Variants in SPTSSA observed in about 807,000 individuals in gnomAD.
The protein encoded by SPTSSA is serine palmitoyltransferase small subunit A.
A neutral mutation model predicts 9.1 loss-of-function variants in SPTSSA; 8 were observed. That is an observed-to-expected ratio of 0.88 (90% CI 0.51 to 1.58). The LOEUF is 1.58. Among genes scored for constraint, SPTSSA ranks in the 40% most tolerant of loss-of-function variants. The probability of loss-of-function intolerance (pLI) is 0.00; values close to 1 mark genes in which losing one functional copy is unlikely to be tolerated. For synonymous variants in SPTSSA, 42 were observed against 37.7 expected (o/e 1.11, Z -0.41); for missense variants, 100 against 93.8 (o/e 1.07, Z -0.27).
intron 1 of SPTSSA, among the ~76,000 whole-genome samples, chr14:34,459,665 C>G (rs1422291726): frequency 1.3e-5 from 2 of 151,148 alleles, no homozygotes; most frequent in African/African-American, 4.9e-5. Flanking sequence ...CCTGTAATCC[C>G]GGCTATTCTG....
At chr14:34,437,643 G>A (rs938195060) in intron 1 of SPTSSA, among the ~76,000 whole-genome samples, 1 of 152,068 alleles carries the variant, frequency 6.6e-6, no homozygotes, top group Non-Finnish European at 1.5e-5. Context: ...TGCAATCACT[G>A]GAGTCACTTT....
In SPTSSA at chr14:34,455,768, C is replaced by T. The variant is rs530491059; in HGVS notation, c.112+6328G>A. ...CCAACATGGTGAAACCCCGTCTCCA[C>T]TAAAAATACAAAAATTACCTGGGCA... On this transcript the variant is annotated intron_variant, in intron 1 of 1. Transcript: ENST00000298130. Among the ~76,000 whole-genome samples the T allele has an allele frequency of 4.8e-4, 73 of 151,662 alleles. 1 individual carries two copies. The highest frequency in any genetic ancestry group is 1.6e-3 in the African/African-American group (65 of 41,306).
chr14:34,435,361 C>G (rs1393437286), intron 1 of SPTSSA, 57 bp from the exon 2 acceptor site: 1 of 1,275,180 alleles, frequency 7.8e-7, no homozygotes, highest in East Asian at 2.5e-5. Flanking sequence ...TAAATCTCCA[C>G]ATGTCTTCAA....
intron 1 of SPTSSA, among the ~76,000 whole-genome samples, chr14:34,443,302 C>A (rs1435978690): frequency 9.6e-5 from 4 of 41,842 alleles, no homozygotes; most frequent in Middle Eastern, 0.017. Context: ...TAGCTCACTG[C>A]AACCTCTGCC....
intron 1 of SPTSSA, among the ~76,000 whole-genome samples, chr14:34,437,101 T>C (rs1883253059): frequency 6.6e-6 from 1 of 152,218 alleles, no homozygotes; most frequent in South Asian, 2.1e-4. Context: ...CTGTTTGAAT[T>C]GACACTGTTT....
chr14:34,452,464 C>T (rs1287113508), intron 1 of SPTSSA, among the ~76,000 whole-genome samples: 2 of 152,124 alleles, frequency 1.3e-5, no homozygotes, highest in East Asian at 3.8e-4. Flanking sequence ...AAGCAAAATC[C>T]ATTCTCTAAG....
chr14:34,435,143 T>C lies in SPTSSA; in HGVS notation c.*58A>G. ...TTTCTTATCACATCTGATGGTCTCA[T>C]TCCAACTTCGTAGGGTGGGTCTTCC... On this transcript the variant is annotated 3_prime_UTR_variant, in exon 2 of 2. Coordinates refer to ENST00000298130, the MANE Select transcript of SPTSSA (RefSeq NM_138288.4). The C allele has an allele frequency of 1.4e-6, 2 of 1,402,366 alleles. No individual in the cohort carries two copies. Among genetic ancestry groups the C allele is most frequent in the Non-Finnish European group, 2.0e-6 (2 of 999,004 alleles). 86.9% of individuals were successfully genotyped at this position (1,402,366 alleles called of 1,614,324 possible). A position where few individuals can be genotyped will look rare whatever the true frequency, so the allele number is the denominator to read the frequency against.
rs1036864883 is a variant in SPTSSA at position 34,434,500 on chromosome 14, T to C, written c.*701A>G. The C allele has an allele frequency of 2.0e-5, 3 of 152,640 alleles. No individual in the cohort carries two copies. Among genetic ancestry groups the C allele is most frequent in the Non-Finnish European group, 4.4e-5 (3 of 68,022 alleles). 9.5% of individuals were successfully genotyped at this position (152,640 alleles called of 1,614,324 possible). On this transcript the variant is annotated 3_prime_UTR_variant, in exon 2 of 2. Transcript: ENST00000298130. The stretch of plus-strand genomic sequence containing the variant: ...CTTAACCACCTTTTGTCTCAAGAAT[T>C]ATCACCAAAGTTTTCTGGAAATAAG...
chr14:34,438,191 G>A (rs17102535), intron 1 of SPTSSA, among the ~76,000 whole-genome samples: 9,842 of 152,064 alleles, frequency 0.065, 476 homozygotes, highest in African/African-American at 0.13. Flanking sequence ...AATTCCCATC[G>A]TTTTGTCTTG....
At chr14:34,445,197 G>T (rs1428708072) in intron 1 of SPTSSA, among the ~76,000 whole-genome samples, 1 of 151,622 alleles carries the variant, frequency 6.6e-6, no homozygotes, top group African/African-American at 2.4e-5. Flanking sequence ...TAATAAAAAG[G>T]TTTTTGCTTC....
chr14:34,461,133 G>A (rs923742929), intron 1 of SPTSSA, among the ~76,000 whole-genome samples: 2 of 152,168 alleles, frequency 1.3e-5, no homozygotes, highest in Admixed American at 1.3e-4. Context: ...AGAGAACGTG[G>A]ATAAACTAAA....
At chr14:34,445,165 T>C (rs1299815586) in intron 1 of SPTSSA, among the ~76,000 whole-genome samples, 5 of 152,118 alleles carry the variant, frequency 3.3e-5, no homozygotes, top group African/African-American at 1.2e-4. Context: ...AAAACTTTTT[T>C]TTTCTTTTTG....
chr14:34,433,332 C>T lies in SPTSSA; in HGVS notation c.*1869G>A, dbSNP rs1411097482. 6.6e-6 allele frequency: 1 copy of T among 152,188 alleles called. No homozygotes were observed. The highest frequency in any genetic ancestry group is 2.4e-5 in the African/African-American group (1 of 41,440). 9.4% of individuals were successfully genotyped at this position (152,188 alleles called of 1,614,324 possible). On this transcript the variant is annotated 3_prime_UTR_variant, in exon 2 of 2. Transcript: ENST00000298130. ...ACTCATTGAAACTAATGATTCTCAACTTCTCCTGCCTTCAACTCACCAGAG... is the reference window on the plus strand; with the variant it reads ...ACTCATTGAAACTAATGATTCTCAATTTCTCCTGCCTTCAACTCACCAGAG...
At chr14:34,440,802 AC>A (rs1283193582) in intron 1 of SPTSSA, among the ~76,000 whole-genome samples, 1 of 151,552 alleles carries the variant, frequency 6.6e-6, no homozygotes, top group Non-Finnish European at 1.5e-5. Flanking sequence ...AATCGCTTGA[AC>A]CCGGGAGGCG....
At chr14:34,457,124 G>A (rs767518354) in intron 1 of SPTSSA, among the ~76,000 whole-genome samples, 5 of 151,666 alleles carry the variant, frequency 3.3e-5, no homozygotes, top group South Asian at 4.2e-4. Context: ...GACTACAGGC[G>A]CCAGCCACCA....
Position 34,435,118 on chromosome 14 carries a change from TTTC to T in SPTSSA, c.*80_*82del. On this transcript the variant is annotated 3_prime_UTR_variant, in exon 2 of 2. Coordinates refer to ENST00000298130, the MANE Select transcript of SPTSSA (RefSeq NM_138288.4). ...TTGGTTATGTTGACATCTAGAAGAGTTTCTTATCACATCTGATGGTCTCATTCC... is the reference window on the plus strand; with the variant it reads ...TTGGTTATGTTGACATCTAGAAGAGTTTATCACATCTGATGGTCTCATTCC... 4 of 1,049,554 alleles carry T rather than the reference TTTC, an allele frequency of 3.8e-6. No homozygotes were observed. 65.0% of individuals were successfully genotyped at this position (1,049,554 alleles called of 1,614,324 possible). A position where few individuals can be genotyped will look rare whatever the true frequency, so the allele number is the denominator to read the frequency against.
chr14:34,462,017 G>A (rs1301160539), intron 1 of SPTSSA, 79 bp downstream of exon 1: 1 of 971,702 alleles, frequency 1.0e-6, no homozygotes, highest in Non-Finnish European at 1.3e-6. Flanking sequence ...CTCCACCCCA[G>A]GCCCGGGGCC....
intron 1 of SPTSSA, among the ~76,000 whole-genome samples, chr14:34,447,052 C>G (rs1026920326): frequency 1.3e-5 from 2 of 151,610 alleles, no homozygotes; most frequent in African/African-American, 4.8e-5. Flanking sequence ...AGTGAAACCG[C>G]GTCTCTACTA....
intron 1 of SPTSSA, among the ~76,000 whole-genome samples, chr14:34,445,086 T>A (rs773079848): frequency 2.7e-5 from 4 of 150,152 alleles, no homozygotes; most frequent in East Asian, 1.9e-4. Flanking sequence ...CCAGGCTCCA[T>A]CTAAAAAAAA....
Sources: gnomAD v4.1 joint callset for allele counts (sites outside exome capture counted in the v4.1 genomes callset) on GRCh38, gnomAD v4.1.1 for gene constraint, MANE v1.5 for transcripts, NCBI Gene and HGNC (gene_info 2026-07-23, HGNC 2026-07-21) for gene names.